The following CNTNAP5 variants were observed in gnomAD, a reference collection of about 807,000 sequenced individuals.
CNTNAP5 encodes the protein contactin associated protein family member 5, also known as contactin-associated protein-like 5.
CNTNAP5 carries 72 observed loss-of-function variants against 150.2 expected under a neutral mutation model. The ratio of observed to expected loss-of-function variants is 0.48; its 90% CI spans 0.40 to 0.58. The LOEUF is 0.58. CNTNAP5 is among the 20% of genes least tolerant of loss of function. The pLI is 0.00. For synonymous variants in CNTNAP5, 672 were observed against 619.8 expected, an observed-to-expected ratio of 1.08 and a Z score of -1.25; for missense variants, 1,636 against 1,626.2, an observed-to-expected ratio of 1.01 and a Z score of -0.10.
chr2:124,836,814 A>G (rs896670360), intron 19 of CNTNAP5, among the ~76,000 whole-genome samples: 2 of 152,098 alleles, frequency 1.3e-5, no homozygotes, highest in African/African-American at 4.8e-5. Flanking sequence ...ATCCCCACTG[A>G]ACAGTGATTA....
intron 1 of CNTNAP5, among the ~76,000 whole-genome samples, chr2:124,150,296 G>A (rs1684374890): frequency 6.6e-6 from 1 of 152,146 alleles, no homozygotes; most frequent in Admixed American, 6.6e-5. Flanking sequence ...ACATGCCCAA[G>A]GTGTATATCC....
chr2:124,598,257 T>C (rs1366962727), intron 11 of CNTNAP5, among the ~76,000 whole-genome samples: 1 of 125,804 alleles, frequency 7.9e-6, no homozygotes, highest in Non-Finnish European at 1.7e-5. Context: ...GTTCTGTTTT[T>C]TCCCCATCTT....
At chr2:124,861,046 A>G (rs570654625) in intron 19 of CNTNAP5, among the ~76,000 whole-genome samples, 1 of 151,750 alleles carries the variant, frequency 6.6e-6, no homozygotes, top group Non-Finnish European at 1.5e-5. Flanking sequence ...AAAGAGAAAA[A>G]GCATTCTAGA....
At chr2:124,696,523 T>C (rs369119641) in intron 13 of CNTNAP5, among the ~76,000 whole-genome samples, 28 of 152,246 alleles carry the variant, frequency 1.8e-4, no homozygotes, top group African/African-American at 6.3e-4. Context: ...AGCCCTGCCT[T>C]CTCTCCCTGG....
chr2:124,314,803 A>C (rs1688923393), intron 3 of CNTNAP5, among the ~76,000 whole-genome samples: 1 of 152,140 alleles, frequency 6.6e-6, no homozygotes, highest in Non-Finnish European at 1.5e-5. Flanking sequence ...TACTTTACGA[A>C]TGTATTTGAC....
At chr2:124,383,334 T>G (rs1690848418) in intron 3 of CNTNAP5, among the ~76,000 whole-genome samples, 1 of 152,168 alleles carries the variant, frequency 6.6e-6, no homozygotes, top group African/African-American at 2.4e-5. Flanking sequence ...GTCTTGAAAG[T>G]TTACAGGCCC....
Position 124,729,275 on chromosome 2 carries a change from T to C in CNTNAP5, c.2078-17954T>C, listed in dbSNP as rs1680221576. On this transcript the variant is annotated intron_variant, in intron 13 of 23. Coordinates refer to ENST00000682447, the MANE Select transcript of CNTNAP5 (RefSeq NM_001367498.1). ...TTAGTTGAGAACTCTAATCTTCAAATATTTTTATTAATGTAATACAATGAA... is the reference window on the plus strand; with the variant it reads ...TTAGTTGAGAACTCTAATCTTCAAACATTTTTATTAATGTAATACAATGAA... Among the ~76,000 whole-genome samples the C allele has an allele frequency of 2.0e-5, 3 of 152,110 alleles. No individual in the cohort carries two copies. The South Asian group carries it at 6.2e-4, about 31-fold the overall frequency.
At chr2:124,727,972 T>C (rs2105123759) in intron 13 of CNTNAP5, among the ~76,000 whole-genome samples, 1 of 152,196 alleles carries the variant, frequency 6.6e-6, no homozygotes, top group Non-Finnish European at 1.5e-5. Context: ...TGTATTGAGG[T>C]ACATTCCTTC....
intron 21 of CNTNAP5, among the ~76,000 whole-genome samples, chr2:124,887,847 G>A (rs963282810): frequency 6.6e-5 from 10 of 152,108 alleles, no homozygotes; most frequent in African/African-American, 2.2e-4. Flanking sequence ...ACAGACAGGC[G>A]AGTCCAAGAC....
intron 1 of CNTNAP5, among the ~76,000 whole-genome samples, chr2:124,194,951 T>C (rs139600517): frequency 1.3e-5 from 2 of 151,952 alleles, no homozygotes; most frequent in Non-Finnish European, 2.9e-5. Context: ...TGTTATACTA[T>C]ATAAGGGATC....
At chr2:124,804,996 C>CCTCTTTGTATGAAATA (rs534709248) in intron 19 of CNTNAP5, among the ~76,000 whole-genome samples, 2 of 151,988 alleles carry the variant, frequency 1.3e-5, no homozygotes, top group Non-Finnish European at 2.9e-5. Context: ...AATTAATACT[C>CCTCTTTGTATGAAATA]CTCTTTGTAT....
chr2:124,279,476 A>T (rs1687962303), intron 3 of CNTNAP5, among the ~76,000 whole-genome samples: 1 of 151,936 alleles, frequency 6.6e-6, no homozygotes, highest in African/African-American at 2.4e-5. Context: ...CTGACTCTAC[A>T]CTATATGTAC....
chr2:124,802,330 A>G (rs1425166018), intron 19 of CNTNAP5, among the ~76,000 whole-genome samples: 2 of 152,192 alleles, frequency 1.3e-5, no homozygotes, highest in Non-Finnish European at 2.9e-5. Flanking sequence ...CCAGGGTTGG[A>G]ATTCTTCTGT....
At chr2:124,114,454 A>G (rs1573763555) in intron 1 of CNTNAP5, among the ~76,000 whole-genome samples, 1 of 151,988 alleles carries the variant, frequency 6.6e-6, no homozygotes, top group East Asian at 1.9e-4. Context: ...AAGTAAATTT[A>G]TTTTACTAAA....
At chr2:124,897,936 AGTGTGTGT>A (rs56154943) in intron 21 of CNTNAP5, among the ~76,000 whole-genome samples, 9,270 of 141,798 alleles carry the variant, frequency 0.065, 407 homozygotes, top group African/African-American at 0.084. Context: ...GCAAATGCCA[AGTGTGTGT>A]GTGTGTGTGT....
At chr2:124,477,879 C>T (rs1693679141) in intron 7 of CNTNAP5, among the ~76,000 whole-genome samples, 1 of 151,972 alleles carries the variant, frequency 6.6e-6, no homozygotes, top group African/African-American at 2.4e-5. Flanking sequence ...TATTAAAGGG[C>T]ATCACTACCT....
chr2:124,820,055 G>C (rs1682452178), intron 19 of CNTNAP5, among the ~76,000 whole-genome samples: 1 of 152,134 alleles, frequency 6.6e-6, no homozygotes, highest in African/African-American at 2.4e-5. Flanking sequence ...TTGCAGAAAT[G>C]GGCCAGACCT....
In CNTNAP5 at chr2:124,527,266, T is replaced by A; in HGVS notation, c.1478-19T>A. On this transcript the variant is annotated intron_variant, in intron 9 of 23. Coordinates refer to ENST00000682447, the MANE Select transcript of CNTNAP5 (RefSeq NM_001367498.1). ...GATCATTTCAGCATTCTTCTTCATC[T>A]TTTTTCTCTGTCCCACAGGGTGCCC... 1 of 1,604,608 alleles carries A rather than the reference T, an allele frequency of 6.2e-7. No individual in the cohort carries two copies. Among genetic ancestry groups the A allele is most frequent in the Non-Finnish European group, 8.5e-7 (1 of 1,174,844 alleles).
intron 1 of CNTNAP5, among the ~76,000 whole-genome samples, chr2:124,044,952 T>C (rs996285842): frequency 6.6e-6 from 1 of 151,398 alleles, no homozygotes; most frequent in Non-Finnish European, 1.5e-5. Context: ...GAGGCCCATC[T>C]TCCTGGAATG....
Sources: allele counts gnomAD v4.1 joint callset (sites outside exome capture counted in the v4.1 genomes callset), GRCh38; gene constraint gnomAD v4.1.1; transcripts MANE v1.5; gene names NCBI Gene and HGNC (gene_info 2026-07-23, HGNC 2026-07-21).